HDX: variants seen among roughly 807,000 people sequenced by gnomAD.
HDX encodes chromosome X open reading frame 43.
In HDX, 19 loss-of-function variants were observed where a neutral mutation model predicts 45.2. That is an observed-to-expected ratio of 0.42 (90% CI 0.29 to 0.62). HDX has a LOEUF of 0.62. Among genes scored for constraint, HDX ranks in the 20% least tolerant of loss-of-function variants. The probability of loss-of-function intolerance (pLI) is 0.20; values close to 1 mark genes in which losing one functional copy is unlikely to be tolerated. For missense variants in HDX, 532 were observed against 493.9 expected, an observed-to-expected ratio of 1.08 and a Z score of -0.73; for synonymous variants, 188 against 172.8, an observed-to-expected ratio of 1.09 and a Z score of -0.69.
chrX:84,397,935 G>A (rs1270674771), intron 5 of HDX, among the ~76,000 whole-genome samples: 1 of 110,736 alleles, frequency 9.0e-6, no homozygotes, highest in Non-Finnish European at 1.9e-5. Context: ...GCAATCAGAG[G>A]CTGTCATTGA....
At chrX:84,471,334 AT>A (rs2040453242) in intron 3 of HDX, among the ~76,000 whole-genome samples, 1 of 109,024 alleles carries the variant, frequency 9.2e-6, no homozygotes, top group Non-Finnish European at 1.9e-5. Context: ...AAAGAAAAAA[AT>A]AAAAAAACTA....
chrX:84,423,479 A>G (rs1275477053), intron 5 of HDX, among the ~76,000 whole-genome samples: 1 of 76,583 alleles, frequency 1.3e-5, no homozygotes, highest in Non-Finnish European at 2.6e-5. Context: ...CTAGACAGAA[A>G]CATCAAAAAA....
chrX:84,426,226 GT>G (rs2039382088), intron 5 of HDX, among the ~76,000 whole-genome samples: 1 of 110,871 alleles, frequency 9.0e-6, no homozygotes. Context: ...ATGTATATTG[GT>G]ACAGCTATTT....
At chrX:84,475,160 G>T in intron 3 of HDX, 91 bp downstream of exon 3, 1 of 726,579 alleles carries the variant, frequency 1.4e-6, no homozygotes, top group South Asian at 2.6e-5. Flanking sequence ...TAAAATTAGT[G>T]ACTTCATACC....
At position 84,429,013 on chromosome X, in the gene HDX, A is replaced by T. The variant is rs181807757; in HGVS notation, c.1305+11519T>A. On this transcript the variant is annotated intron_variant, in intron 5 of 10. Coordinates refer to ENST00000373177, the MANE Select transcript of HDX (RefSeq NM_001177479.2). The stretch of plus-strand genomic sequence containing the variant: ...GAATTCACAACTTTTTTAAAAAATA[A>T]GTTGCCTAACTCCATATCCTATTTC... Among the ~76,000 whole-genome samples the T allele has an allele frequency of 2.8e-3, 312 of 110,795 alleles. 1 individual carries two copies. The highest frequency in any genetic ancestry group is 9.9e-3 in the African/African-American group (305 of 30,738).
chrX:84,467,485 G>A (rs1218503494), intron 4 of HDX, among the ~76,000 whole-genome samples: 1 of 110,023 alleles, frequency 9.1e-6, no homozygotes, highest in Non-Finnish European at 1.9e-5. Context: ...AAATTAGCTA[G>A]GCGTGGTGGT....
At chrX:84,371,229 T>C (rs1008859312) in intron 5 of HDX, among the ~76,000 whole-genome samples, 1 of 111,988 alleles carries the variant, frequency 8.9e-6, no homozygotes, top group Non-Finnish European at 1.9e-5. Flanking sequence ...AAAAGTGACT[T>C]AATCTCTCTC....
In HDX at chrX:84,469,434, A is replaced by T; in HGVS notation, c.289T>A (p.Ser97Thr). The part of the protein sequence containing the change: ...NIARPSSQQS[S>T]WTSANNDVIV... ...ACATCATTATTGGCAGATGTCCAAGAAGACTGCTGGCTTGAGGGTCGAGCA... is the reference window on the plus strand; with the variant it reads ...ACATCATTATTGGCAGATGTCCAAGTAGACTGCTGGCTTGAGGGTCGAGCA... The change falls in exon 4 of 11, where the codon TCT becomes ACT. Residue 97 changes from serine to threonine, a missense_variant. Physicochemically the swap from Ser to Thr is moderately conservative, Grantham distance 58 (BLOSUM62 1). Around this residue, in one of 3 missense-constraint regions of HDX, gnomAD observed 376 missense variants for 343.7 expected, o/e 1.09. Transcript: ENST00000373177. 8.3e-7 allele frequency: 1 copy of T among 1,211,280 alleles called. No individual in the cohort carries two copies. Among genetic ancestry groups the T allele is most frequent in the African/African-American group, 1.7e-5 (1 of 57,689 alleles).
intron 6 of HDX, among the ~76,000 whole-genome samples, chrX:84,349,525 G>A (rs1252352727): frequency 1.1e-5 from 1 of 91,342 alleles, no homozygotes; most frequent in African/African-American, 4.1e-5. Flanking sequence ...ATGTGTGTGT[G>A]TATATATATA....
Position 84,330,519 on chromosome X carries a change from A to C in HDX, c.1824+3240T>G, listed in dbSNP as rs974907338. On this transcript the variant is annotated intron_variant, in intron 9 of 10. Coordinates refer to ENST00000373177, the MANE Select transcript of HDX (RefSeq NM_001177479.2). ...GCTCCTGTCATAATATATTTTACTA[A>C]ATTTAGGCCTTTGCTTTATTAGTAT... Among the ~76,000 whole-genome samples, 6 of 111,492 alleles carry C rather than the reference A, an allele frequency of 5.4e-5. No individual in the cohort carries two copies. The Admixed American group carries it at 5.8e-4, about 11-fold the overall frequency.
intron 5 of HDX, among the ~76,000 whole-genome samples, chrX:84,414,065 A>G (rs772685300): frequency 8.9e-6 from 1 of 111,924 alleles, no homozygotes; most frequent in Non-Finnish European, 1.9e-5. Context: ...TGGAAAAAAG[A>G]TCACTTAAAA....
At chrX:84,363,258 C>T (rs1211931400) in intron 5 of HDX, among the ~76,000 whole-genome samples, 3 of 111,859 alleles carry the variant, frequency 2.7e-5, no homozygotes, top group African/African-American at 9.7e-5. Context: ...ATTGATTGCA[C>T]AATAGTTGCA....
chrX:84,384,233 C>T (rs1248557005), intron 5 of HDX, among the ~76,000 whole-genome samples: 1 of 111,302 alleles, frequency 9.0e-6, no homozygotes, highest in African/African-American at 3.3e-5. Context: ...TTTTTAATAA[C>T]AGCCGTTCTG....
intron 4 of HDX, among the ~76,000 whole-genome samples, chrX:84,447,558 T>A (rs2039899898): frequency 9.0e-6 from 1 of 111,094 alleles, no homozygotes; most frequent in South Asian, 3.8e-4. Flanking sequence ...GGTGACAGCA[T>A]TGCTCCAGAG....
At chrX:84,351,287 G>A (rs2037353296) in intron 6 of HDX, among the ~76,000 whole-genome samples, 1 of 111,189 alleles carries the variant, frequency 9.0e-6, no homozygotes, top group African/African-American at 3.3e-5. Context: ...AGGGAATGGT[G>A]GAGGAAGGAT....
chrX:84,420,719 TAAAG>T (rs1486612291), intron 5 of HDX, among the ~76,000 whole-genome samples: 2 of 111,051 alleles, frequency 1.8e-5, no homozygotes, highest in East Asian at 5.7e-4. Context: ...AGATCAATGA[TAAAG>T]AAAGGACTCT....
chrX:84,468,447 T>C, intron 4 of HDX, 25 bp downstream of exon 4: 5 of 1,008,629 alleles, frequency 5.0e-6, no homozygotes, highest in Non-Finnish European at 6.7e-6. Flanking sequence ...TTTTAAAACC[T>C]TTATAAAATA....
At chrX:84,374,723 C>T (rs1490173461) in intron 5 of HDX, among the ~76,000 whole-genome samples, 1 of 109,614 alleles carries the variant, frequency 9.1e-6, no homozygotes, top group African/African-American at 3.3e-5. Flanking sequence ...CCCTTCATTA[C>T]ACCTTATACA....
intron 5 of HDX, among the ~76,000 whole-genome samples, chrX:84,378,215 G>A (rs987385170): frequency 9.0e-6 from 1 of 111,599 alleles, no homozygotes; most frequent in Admixed American, 9.5e-5. Flanking sequence ...AAAATCTGAG[G>A]GTTTCATTAA....
Sources: allele counts gnomAD v4.1 joint callset (sites outside exome capture counted in the v4.1 genomes callset), GRCh38; gene constraint gnomAD v4.1.1; regional missense constraint gnomAD v4.1.1; transcripts MANE v1.5; gene names NCBI Gene and HGNC (gene_info 2026-07-23, HGNC 2026-07-21).